The following CYB5R2 variants were observed in gnomAD, a reference collection of about 807,000 sequenced individuals.
CYB5R2 encodes cytochrome b5 reductase 2.
A neutral mutation model predicts 29.8 loss-of-function variants in CYB5R2; 35 were observed. The observed-to-expected ratio is 1.17, with a 90% CI of 0.90 to 1.56. CYB5R2 has a LOEUF of 1.56. CYB5R2 is among the 40% of genes most tolerant of loss of function. CYB5R2 has a pLI of 0.00. For synonymous variants in CYB5R2, 169 were observed against 130.6 expected (o/e 1.29, Z -2.01); for missense variants, 419 against 346.7 (o/e 1.21, Z -1.66).
At chr11:7,665,983 G>A (rs923421422) in intron 8 of CYB5R2, 22 of 1,387,852 alleles carry the variant, frequency 1.6e-5, no homozygotes, top group African/African-American at 5.7e-5. Context: ...TGAGAGGCGC[G>A]CCTGTGGGGT....
At chr11:7,667,481 T>A (rs1855371640) in intron 7 of CYB5R2, 1 of 389,526 alleles carries the variant, frequency 2.6e-6, no homozygotes, top group African/African-American at 2.1e-5. Context: ...CAGCAGTACA[T>A]CTTAAGGAAA....
chr11:7,672,376 C>T (rs1855798631), intron 3 of CYB5R2, 75 bp downstream of exon 3: 1 of 1,336,488 alleles, frequency 7.5e-7, no homozygotes, highest in Admixed American at 1.8e-5. Context: ...ACGTGGGAAA[C>T]CTGTGTTTCT....
intron 1 of CYB5R2, 26 bp downstream of exon 1, chr11:7,673,392 CG>C (rs1427385308): frequency 1.0e-6 from 1 of 997,462 alleles, no homozygotes; most frequent in Admixed American, 5.3e-5. Context: ...GCCAGAGACT[CG>C]GGAGCCTCCC....
chr11:7,666,406 G>C, intron 8 of CYB5R2, 45 bp downstream of exon 8: 1 of 1,269,856 alleles, frequency 7.9e-7, no homozygotes, highest in Non-Finnish European at 1.1e-6. Flanking sequence ...AAGTGGTCAA[G>C]GGTTGGTGCT....
At chr11:7,673,531 A>G (rs945888), upstream of CYB5R2, 705,373 of 984,690 alleles carry the variant, frequency 0.72, 252,634 homozygotes, top group East Asian at 0.79. Context: ...GGCCCGCCCC[A>G]CTCCCCGCCC....
At chr11:7,672,593 G>C in intron 2 of CYB5R2, 70 bp from the exon 3 acceptor site, 2 of 1,538,828 alleles carry the variant, frequency 1.3e-6, no homozygotes, top group Non-Finnish European at 1.8e-6. Flanking sequence ...GAGATGCCTG[G>C]GAAAGGAGGT....
intron 5 of CYB5R2, chr11:7,668,900 G>A: frequency 1.7e-6 from 1 of 585,648 alleles, no homozygotes; most frequent in Non-Finnish European, 3.1e-6. Flanking sequence ...TAACCAAGGA[G>A]CATGGACTCC....
Position 7,665,307 on chromosome 11 carries a change from G to T in CYB5R2, c.*67C>A, listed in dbSNP as rs1012531516. ...TTTTGAAAACATCCCAGTTTACCGT[G>T]GTGAAATTGAACTTACTCTGAAACA... On this transcript the variant is annotated 3_prime_UTR_variant, in exon 9 of 9. Coordinates refer to ENST00000299498, the MANE Select transcript of CYB5R2 (RefSeq NM_016229.5). The T allele has an allele frequency of 2.3e-6, 3 of 1,303,538 alleles. No individual in the cohort carries two copies. Among genetic ancestry groups the T allele is most frequent in the Non-Finnish European group, 3.1e-6 (3 of 961,974 alleles). The allele number at this position is 1,303,538 out of a possible 1,614,324, so 80.7% of individuals were successfully genotyped here.
At chr11:7,666,399 T>TG in intron 8 of CYB5R2, 52 bp downstream of exon 8, 1 of 1,145,520 alleles carries the variant, frequency 8.7e-7, no homozygotes, top group Non-Finnish European at 1.3e-6. Flanking sequence ...GTCCTCAAAG[T>TG]GGTCAAGGGT....
chr11:7,672,275 A>G (rs1855791656), intron 3 of CYB5R2, 176 bp downstream of exon 3: 6 of 571,350 alleles, frequency 1.1e-5, no homozygotes, highest in African/African-American at 2.1e-5. Flanking sequence ...TAATGAAGAA[A>G]AGAAATTTTC....
intron 4 of CYB5R2, 138 bp from the exon 5 acceptor site, chr11:7,669,472 G>T: frequency 7.9e-7 from 1 of 1,258,968 alleles, no homozygotes; most frequent in Non-Finnish European, 1.1e-6. Context: ...AATCCCTGAA[G>T]ATGAAGCTGC....
At position 7,665,510 on chromosome 11, in the gene CYB5R2, A is replaced by G; in HGVS notation, c.695T>C (p.Met232Thr). The G allele has an allele frequency of 1.1e-5, 18 of 1,613,228 alleles. No homozygotes were observed. The highest frequency in any genetic ancestry group is 1.5e-5 in the Non-Finnish European group (18 of 1,179,606). Residue 232 changes from methionine (M) to threonine (T), a missense_variant, in exon 9 of 9, where the codon ATG (methionine) becomes ACG (threonine). Coordinates refer to ENST00000299498, the MANE Select transcript of CYB5R2 (RefSeq NM_016229.5). ...KYSSGFVTAD[M>T]IKEHLPPPAK... ...TGGAGGAGGAAGGTGCTCCTTGATC[A>G]TGTCGGCAGTAACGAAGCCTGAGCT...
chr11:7,665,799 C>T (rs140833646), intron 8 of CYB5R2: 64 of 1,501,720 alleles, frequency 4.3e-5, no homozygotes, highest in Non-Finnish European at 5.2e-5. Flanking sequence ...TCAGCATTGA[C>T]GAGGAAGGAG....
At chr11:7,672,101 G>A (rs1855779354) in intron 3 of CYB5R2, 1 of 246,176 alleles carries the variant, frequency 4.1e-6, no homozygotes, top group Non-Finnish European at 7.8e-6. Flanking sequence ...TAGACAGGCA[G>A]GCCTGGGAAA....
Position 7,667,718 on chromosome 11 carries a change from A to G in CYB5R2, c.558+10T>C. The G allele has an allele frequency of 6.2e-7, 1 of 1,610,048 alleles. No homozygotes were observed. ...TCCATCCTACCACTGCAAGCTCAGC[A>G]GGAACTGACCTGGTTGGCAAAGATG... On this transcript the variant is annotated intron_variant, in intron 7 of 8. Coordinates refer to ENST00000299498, the MANE Select transcript of CYB5R2 (RefSeq NM_016229.5).
At chr11:7,665,942 G>A (rs947473146) in intron 8 of CYB5R2, 1 of 1,534,788 alleles carries the variant, frequency 6.5e-7, no homozygotes, top group Non-Finnish European at 8.7e-7. Flanking sequence ...CCAGGGACCT[G>A]TATGACAAGC....
upstream of CYB5R2, chr11:7,674,049 C>T (rs1855936643): frequency 1.7e-6 from 2 of 1,187,668 alleles, no homozygotes; most frequent in East Asian, 6.0e-5. Flanking sequence ...TGCGCTGCCC[C>T]TCTGCATCCT....
upstream of CYB5R2, chr11:7,673,744 C>T (rs1590889575): frequency 1.0e-6 from 1 of 985,690 alleles, no homozygotes; most frequent in Non-Finnish European, 1.2e-6. Context: ...AACACGTCGT[C>T]GAACTGGGGT....
intron 8 of CYB5R2, 60 bp from the exon 9 acceptor site, chr11:7,665,606 G>A: frequency 1.3e-6 from 2 of 1,516,912 alleles, no homozygotes; most frequent in Non-Finnish European, 1.8e-6. Context: ...CCTGATCCCA[G>A]GCCGCCTGCA....
Sources: gnomAD v4.1 joint callset for allele counts on GRCh38, gnomAD v4.1.1 for gene constraint, MANE v1.5 for transcripts, NCBI Gene and HGNC (gene_info 2026-07-23, HGNC 2026-07-21) for gene names.